DDX23: variants seen among roughly 807,000 people sequenced by gnomAD.
The protein encoded by DDX23 is probable ATP-dependent RNA helicase DDX23.
Under a neutral mutation model 102.7 loss-of-function variants are expected in DDX23, and 33 were observed. The observed-to-expected ratio is 0.32, with a 90% CI of 0.24 to 0.43. The LOEUF (loss-of-function observed/expected upper bound fraction) is 0.43, where lower values mean the gene tolerates loss of function less well. DDX23 is among the 20% of genes least tolerant of loss of function. DDX23 has a pLI of 1.00. For missense variants in DDX23, 549 were observed against 1,086.6 expected, an observed-to-expected ratio of 0.51 and a Z score of 6.96; for synonymous variants, 352 against 376.0, an observed-to-expected ratio of 0.94 and a Z score of 0.74.
intron 3 of DDX23, among the ~76,000 whole-genome samples, chr12:48,842,772 C>T (rs181894111): frequency 0.016 from 2,495 of 152,162 alleles, 66 homozygotes; most frequent in African/African-American, 0.057. Flanking sequence ...CCCCTCTGCC[C>T]GCCCACCACC....
Position 48,833,271 on chromosome 12 carries a change from C to A in DDX23, c.1803+6G>T, listed in dbSNP as rs1402046183. ...AACTTTTCCCAGCCCAGGGAAGCAG[C>A]CTTACTTGGCGGTACTTATGTTTTC... On this transcript the variant is annotated splice_donor_region_variant and intron_variant, in intron 13 of 16. Transcript: ENST00000308025. The A allele has an allele frequency of 1.9e-6, 3 of 1,614,096 alleles. No homozygotes were observed. Among genetic ancestry groups the A allele is most frequent in the Non-Finnish European group, 2.5e-6 (3 of 1,179,962 alleles).
intron 3 of DDX23, among the ~76,000 whole-genome samples, chr12:48,841,625 T>C (rs1938552734): frequency 6.6e-6 from 1 of 152,206 alleles, no homozygotes; most frequent in African/African-American, 2.4e-5. Context: ...CACGCCTGAC[T>C]GGTTTTCGTA....
At chr12:48,831,879 C>T (rs1037058365) in intron 15 of DDX23, 199 bp downstream of exon 15, 2 of 597,444 alleles carry the variant, frequency 3.3e-6, no homozygotes, top group South Asian at 4.3e-5. Flanking sequence ...GCTGGCATTA[C>T]TGCAGCAGAC....
chr12:48,830,406 G>T lies in DDX23; in HGVS notation c.*63C>A, dbSNP rs1373249892. On this transcript the variant is annotated 3_prime_UTR_variant, in exon 17 of 17. Coordinates refer to ENST00000308025, the MANE Select transcript of DDX23 (RefSeq NM_004818.3). This position sits in a 1 kb window ranked among gnomAD's most constrained non-coding sequence, Gnocchi z 4.9. ...AGGACCTGGAAAGAGGGATGTGAGG[G>T]TTCTGAAAAACAGGCATCAGGCAGC... is the stretch of plus-strand genomic sequence containing the variant. The T allele has an allele frequency of 1.3e-6, 2 of 1,564,266 alleles. No homozygotes were observed. Among genetic ancestry groups the T allele is most frequent in the Admixed American group, 1.7e-5 (1 of 59,264 alleles).
At chr12:48,848,525 T>TA (rs1938706693) in intron 1 of DDX23, among the ~76,000 whole-genome samples, 1 of 152,062 alleles carries the variant, frequency 6.6e-6, no homozygotes, top group Admixed American at 6.5e-5. Context: ...AAGATCAGGG[T>TA]AAAAAACCCT....
chr12:48,838,208 T>G, intron 5 of DDX23, 128 bp from the exon 6 acceptor site: 1 of 1,369,774 alleles, frequency 7.3e-7, no homozygotes, highest in Non-Finnish European at 1.0e-6. Flanking sequence ...AAAACACAAA[T>G]AGGCCTTGGA....
Position 48,834,377 on chromosome 12 carries a change from A to G in DDX23, c.1503T>C (p.Ala501=). Residue 501 remains alanine, a synonymous_variant, in exon 12 of 17, where the codon GCT becomes GCC. Coordinates refer to ENST00000308025, the MANE Select transcript of DDX23 (RefSeq NM_004818.3). ...CTTCTCTGGAGATGCCACCAATGAC[A>G]GCCACAGTGCGGATACCTAGCGGTT... ...FGKPLGIRTV[A]VIGGISREDQ... The G allele has an allele frequency of 1.2e-6, 2 of 1,614,148 alleles. No homozygotes were observed. The highest frequency in any genetic ancestry group is 1.7e-6 in the Non-Finnish European group (2 of 1,180,030).
intron 5 of DDX23, among the ~76,000 whole-genome samples, chr12:48,838,321 T>C (rs927681763): frequency 1.3e-5 from 2 of 152,066 alleles, no homozygotes; most frequent in Non-Finnish European, 2.9e-5. Context: ...GAGACCTAGA[T>C]GGGAGGACCG....
chr12:48,841,751 G>A (rs764998386), intron 3 of DDX23, among the ~76,000 whole-genome samples: 5 of 152,230 alleles, frequency 3.3e-5, no homozygotes, highest in Non-Finnish European at 7.3e-5. Flanking sequence ...ACGGAGTCGC[G>A]TTCACTCAGT....
chr12:48,839,715 G>T, intron 5 of DDX23, 129 bp downstream of exon 5: 1 of 891,044 alleles, frequency 1.1e-6, no homozygotes, highest in Non-Finnish European at 1.7e-6. Flanking sequence ...TAACCCTGCT[G>T]ACACTCCGCT....
In DDX23 at chr12:48,838,086, A is replaced by G. The variant is rs769974364; in HGVS notation, c.481-6T>C. 5.0e-6 allele frequency: 8 copies of G among 1,614,002 alleles called. No homozygotes were observed. Among genetic ancestry groups the G allele is most frequent in the South Asian group, 4.4e-5 (4 of 91,086 alleles). On this transcript the variant is annotated splice_region_variant and splice_polypyrimidine_tract_variant and intron_variant, in intron 5 of 16. Transcript: ENST00000308025. Reference sequence around the variant, plus strand: ...GCTTTAGAGAGGAACTTGGGCTACAAAAGAGATTGGAACTGTCAACAAAGG... The same window carrying G: ...GCTTTAGAGAGGAACTTGGGCTACAGAAGAGATTGGAACTGTCAACAAAGG...
At chr12:48,831,679 C>G (rs1002809673) in intron 15 of DDX23, 1 of 425,968 alleles carries the variant, frequency 2.3e-6, no homozygotes, top group Non-Finnish European at 4.3e-6. Flanking sequence ...GGGACACACC[C>G]CTCCCCTCAA....
chr12:48,840,418 C>T (rs761260285), intron 3 of DDX23, among the ~76,000 whole-genome samples: 45 of 152,120 alleles, frequency 3.0e-4, no homozygotes, highest in Non-Finnish European at 5.0e-4. Flanking sequence ...TGCCTATAAT[C>T]CCAGCACTTT....
At chr12:48,847,701 C>T (rs991892940) in intron 1 of DDX23, among the ~76,000 whole-genome samples, 4 of 151,788 alleles carry the variant, frequency 2.6e-5, no homozygotes, top group Admixed American at 6.6e-5. Flanking sequence ...TGGTGGTACA[C>T]GCTACCCAGG....
chr12:48,832,467 T>C lies in DDX23; in HGVS notation c.1910A>G (p.Glu637Gly), dbSNP rs1474090885. 6.2e-7 allele frequency: 1 copy of C among 1,614,044 alleles called. No individual in the cohort carries two copies. The highest frequency in any genetic ancestry group is 1.3e-5 in the African/African-American group (1 of 74,930). ...GAGGAAGACCTTCTGTTCCACACGC[T>C]CATGGGGCTTGCCTGCGGAGCCAAT... ...VYIGSAGKPH[E>G]RVEQKVFLMS... The change falls in exon 14 of 17, where the codon GAG becomes GGG. Residue 637 changes from glutamate to glycine, a missense_variant. Physicochemically the swap from Glu to Gly is moderately conservative, Grantham distance 98 (BLOSUM62 -2). Around this residue, in one of 4 missense-constraint regions of DDX23, gnomAD observed 270 missense variants for 707.0 expected, o/e 0.38. Coordinates refer to ENST00000308025, the MANE Select transcript of DDX23 (RefSeq NM_004818.3). The surrounding 1 kb of genome is among the most constrained non-coding windows in gnomAD (Gnocchi z 4.4).
chr12:48,845,192 G>A (rs759449406), intron 2 of DDX23, among the ~76,000 whole-genome samples: 56 of 148,904 alleles, frequency 3.8e-4, no homozygotes, highest in Non-Finnish European at 6.5e-4. Flanking sequence ...GGTGGCTCAC[G>A]CCTATAATCT....
intron 15 of DDX23, chr12:48,831,721 A>C: frequency 2.3e-6 from 1 of 429,104 alleles, no homozygotes; most frequent in South Asian, 3.0e-5. Context: ...GACACTGATT[A>C]TCAGCTCCCT....
At chr12:48,850,324 A>G (rs144185911) in intron 1 of DDX23, among the ~76,000 whole-genome samples, 2 of 152,374 alleles carry the variant, frequency 1.3e-5, no homozygotes, top group Non-Finnish European at 2.9e-5. Context: ...TCAGCAACCT[A>G]ATAGTTTGTG....
intron 1 of DDX23, among the ~76,000 whole-genome samples, chr12:48,851,472 CAA>C (rs1422608059): frequency 8.6e-6 from 1 of 116,772 alleles, no homozygotes. Context: ...GACTCCGTCT[CAA>C]AAAAAAAAAG....
Sources: allele counts gnomAD v4.1 joint callset (sites outside exome capture counted in the v4.1 genomes callset), GRCh38; gene constraint gnomAD v4.1.1; regional missense constraint gnomAD v4.1.1; non-coding constraint Gnocchi (gnomAD v3.1); transcripts MANE v1.5; gene names NCBI Gene and HGNC (gene_info 2026-07-23, HGNC 2026-07-21).